THADA: variants seen among roughly 807,000 people sequenced by gnomAD.
The protein encoded by THADA is THADA armadillo repeat containing, also known as tRNA (32-2'-O)-methyltransferase regulator THADA.
In THADA, 213 loss-of-function variants were observed where a neutral mutation model predicts 219.8. That is an observed-to-expected ratio of 0.97 (90% CI 0.87 to 1.09). THADA has a LOEUF of 1.09. Among genes scored for constraint, THADA ranks in the 50% least tolerant of loss-of-function variants. The pLI is 0.00. For synonymous variants in THADA, 1,018 were observed against 828.9 expected, an observed-to-expected ratio of 1.23 and a Z score of -3.92; for missense variants, 2,956 against 2,311.3, an observed-to-expected ratio of 1.28 and a Z score of -5.72.
rs376783414 is a variant in THADA, at chr2:43,556,519, A to G, written c.2500T>C (p.Leu834=). 105 of 1,613,732 alleles carry G rather than the reference A, an allele frequency of 6.5e-5. No homozygotes were observed. The highest frequency in any genetic ancestry group is 7.7e-5 in the Non-Finnish European group (91 of 1,179,806). ...GGTTTGGTGCTTGTGCTGAGCTCCA[A>G]TGCTGCCTGAAATAAGCCTTGCAGT... ...GKLQGLFQAA[L]ELSTSTKPYD... The change falls in exon 17 of 38, where the codon TTG becomes CTG. Residue 834 remains leucine, a synonymous_variant. Transcript: ENST00000405975.
At chr2:43,459,946 C>T (rs1683430470) in intron 26 of THADA, among the ~76,000 whole-genome samples, 1 of 152,136 alleles carries the variant, frequency 6.6e-6, no homozygotes, top group Admixed American at 6.5e-5. Flanking sequence ...TCAAAAGCCA[C>T]ATCTTGGCAA....
At chr2:43,503,159 A>G (rs1689231005) in intron 24 of THADA, among the ~76,000 whole-genome samples, 1 of 152,224 alleles carries the variant, frequency 6.6e-6, no homozygotes, top group Non-Finnish European at 1.5e-5. Context: ...ACAACATAAC[A>G]GCATCAGATT....
intron 29 of THADA, among the ~76,000 whole-genome samples, chr2:43,344,502 C>T (rs1165847137): frequency 6.6e-6 from 1 of 152,128 alleles, no homozygotes; most frequent in Admixed American, 6.5e-5. Flanking sequence ...TCATCTGCCA[C>T]AAGAGTTTAT....
intron 36 of THADA, among the ~76,000 whole-genome samples, chr2:43,257,420 C>T (rs1343690208): frequency 6.6e-6 from 1 of 152,226 alleles, no homozygotes; most frequent in African/African-American, 2.4e-5. Flanking sequence ...AGAGAGGAGG[C>T]TTCTCCCGGG....
At chr2:43,592,070 A>T (rs940780874) in intron 2 of THADA, 24 bp from the exon 3 acceptor site, 32 of 1,494,944 alleles carry the variant, frequency 2.1e-5, no homozygotes, top group East Asian at 2.5e-5. Context: ...ACAAAAAAAA[A>T]TTTTCAATGA....
At chr2:43,254,585 G>T (rs748235396) in intron 36 of THADA, among the ~76,000 whole-genome samples, 6 of 151,924 alleles carry the variant, frequency 3.9e-5, no homozygotes, top group Non-Finnish European at 8.8e-5. Flanking sequence ...TCCTGAACAG[G>T]CCTCATACTC....
rs371517636 is a variant in THADA, at chr2:43,235,371, G to A, written c.5297-2489C>T. On this transcript the variant is annotated intron_variant, in intron 36 of 37. Coordinates refer to ENST00000405975, the MANE Select transcript of THADA (RefSeq NM_022065.5). ...TGCAGTGGCACCATCTCGGCTCACC[G>A]CGACCTCCGCTTCCCAGGTTTAAGA... Among the ~76,000 whole-genome samples the A allele has an allele frequency of 1.6e-4, 24 of 152,142 alleles. No homozygotes were observed. In the South Asian group the frequency reaches 4.4e-3, roughly 28 times the overall value.
intron 30 of THADA, among the ~76,000 whole-genome samples, chr2:43,323,504 A>C (rs1449931438): frequency 1.3e-5 from 2 of 152,166 alleles, no homozygotes; most frequent in Non-Finnish European, 2.9e-5. Context: ...CCCAATGGTA[A>C]AATTTCTACT....
chr2:43,520,668 C>T (rs909299485), intron 22 of THADA, among the ~76,000 whole-genome samples: 1 of 150,248 alleles, frequency 6.7e-6, no homozygotes, highest in Admixed American at 6.7e-5. Flanking sequence ...CCAGCCTAGG[C>T]AAAAGAGTAA....
At chr2:43,502,810 T>C (rs1003772598) in intron 24 of THADA, among the ~76,000 whole-genome samples, 1 of 151,724 alleles carries the variant, frequency 6.6e-6, no homozygotes, top group African/African-American at 2.4e-5. Flanking sequence ...GTAATTCAAA[T>C]AATCAAAAAG....
chr2:43,572,396 T>C (rs1699395772), intron 12 of THADA, among the ~76,000 whole-genome samples: 1 of 152,208 alleles, frequency 6.6e-6, no homozygotes, highest in African/African-American at 2.4e-5. Context: ...TTCTTAATCA[T>C]CCTCCAGACC....
At chr2:43,472,175 T>C (rs780353230) in intron 26 of THADA, among the ~76,000 whole-genome samples, 22 of 152,338 alleles carry the variant, frequency 1.4e-4, no homozygotes, top group African/African-American at 3.6e-4. Flanking sequence ...GCCAACCAGT[T>C]TGGCAGTGCA....
At position 43,581,944 on chromosome 2, in the gene THADA, G is replaced by A; in HGVS notation, c.534-16C>T. The A allele has an allele frequency of 6.7e-7, 1 of 1,502,176 alleles. No homozygotes were observed. The highest frequency in any genetic ancestry group is 8.9e-7 in the Non-Finnish European group (1 of 1,129,374). The allele number at this position is 1,502,176 out of a possible 1,614,324, so 93.1% of individuals were successfully genotyped here. The stretch of plus-strand genomic sequence containing the variant: ...AGCACATTTTCTATAAAGAAGAAAA[G>A]ACATTATTACAAAAGGAAATTCAAA... On this transcript the variant is annotated splice_polypyrimidine_tract_variant and intron_variant, in intron 7 of 37. Transcript: ENST00000405975.
At chr2:43,484,557 AAAC>A (rs1198520159) in intron 26 of THADA, 3 of 168,644 alleles carry the variant, frequency 1.8e-5, no homozygotes, top group Non-Finnish European at 4.4e-5. Flanking sequence ...AAGTGCTAAA[AAAC>A]AACTATTCAA....
chr2:43,516,976 T>G lies in THADA; in HGVS notation c.3375-8196A>C, dbSNP rs1421942363. On this transcript the variant is annotated intron_variant, in intron 22 of 37. Coordinates refer to ENST00000405975, the MANE Select transcript of THADA (RefSeq NM_022065.5). ...ACCAGAGAATACAATTTTTAAGATA[T>G]TAACTTCCTGATCATGTTTTATTCA... Among the ~76,000 whole-genome samples the G allele has an allele frequency of 2.0e-5, 3 of 152,156 alleles. No individual in the cohort carries two copies. The East Asian group carries it at 5.8e-4, about 29-fold the overall frequency.
intron 29 of THADA, among the ~76,000 whole-genome samples, chr2:43,370,501 T>C (rs138155604): frequency 6.6e-6 from 1 of 152,324 alleles, no homozygotes; most frequent in African/African-American, 2.4e-5. Flanking sequence ...AGGATGCTTA[T>C]TTGAAAACAT....
At chr2:43,291,322 A>G (rs1674674785) in intron 34 of THADA, among the ~76,000 whole-genome samples, 3 of 151,684 alleles carry the variant, frequency 2.0e-5, no homozygotes, top group Non-Finnish European at 2.9e-5. Context: ...GTGCTGGCAC[A>G]AGCCTGTAAT....
At chr2:43,377,102 A>G (rs1671466753) in intron 29 of THADA, among the ~76,000 whole-genome samples, 1 of 152,178 alleles carries the variant, frequency 6.6e-6, no homozygotes, top group Non-Finnish European at 1.5e-5. Flanking sequence ...TCGTGGAAAG[A>G]GAAGGCGGCT....
At chr2:43,549,450 T>C (rs35255499) in intron 19 of THADA, 82 bp from the exon 20 acceptor site, 26,998 of 1,371,204 alleles carry the variant, frequency 0.02, 325 homozygotes, top group Non-Finnish European at 0.024. Context: ...ACTCAAAAAA[T>C]CTATAATTTT....
Sources: allele counts gnomAD v4.1 joint callset (sites outside exome capture counted in the v4.1 genomes callset), GRCh38; gene constraint gnomAD v4.1.1; transcripts MANE v1.5; gene names NCBI Gene and HGNC (gene_info 2026-07-23, HGNC 2026-07-21).